The following ZNF385C variants were observed in gnomAD, a reference collection of about 807,000 sequenced individuals.
ZNF385C encodes the protein zinc finger protein 385C, also known as CTD-2132N18.2.
Under a neutral mutation model 35.4 loss-of-function variants are expected in ZNF385C, and 28 were observed. That is an observed-to-expected ratio of 0.79 (90% CI 0.59 to 1.08). The LOEUF (loss-of-function observed/expected upper bound fraction) is 1.08, where lower values mean the gene tolerates loss of function less well. Among genes scored for constraint, ZNF385C ranks in the 50% least tolerant of loss-of-function variants. The pLI is 0.00. For synonymous variants in ZNF385C, 248 were observed against 248.2 expected (o/e 1.00, Z 0.01); for missense variants, 605 against 595.6 (o/e 1.02, Z -0.16).
At chr17:42,054,674 C>T (rs1018425109) in intron 2 of ZNF385C, among the ~76,000 whole-genome samples, 4 of 151,878 alleles carry the variant, frequency 2.6e-5, no homozygotes, top group Non-Finnish European at 4.4e-5. Context: ...CTCTGCCTCC[C>T]GGGTTCAAGC....
intron 2 of ZNF385C, among the ~76,000 whole-genome samples, chr17:42,051,366 T>A (rs189197158): frequency 1.3e-5 from 2 of 152,136 alleles, no homozygotes; most frequent in East Asian, 3.9e-4. Context: ...CTCATCCCGG[T>A]CTGCGTTACT....
At chr17:42,052,353 C>T (rs1315160437) in intron 2 of ZNF385C, among the ~76,000 whole-genome samples, 5 of 152,120 alleles carry the variant, frequency 3.3e-5, no homozygotes, top group African/African-American at 7.2e-5. Context: ...CACACACACA[C>T]GAGCACAGAG....
chr17:42,043,468 G>A (rs2053077226), intron 2 of ZNF385C: 2 of 1,138,558 alleles, frequency 1.8e-6, no homozygotes. Context: ...TTGACAAGGA[G>A]AGTTGATGGG....
chr17:42,043,155 G>T, intron 2 of ZNF385C: 2 of 1,232,228 alleles, frequency 1.6e-6, no homozygotes, highest in Non-Finnish European at 2.0e-6. Context: ...GCAGCAGGGC[G>T]TGGCGCTGGA....
chr17:42,051,507 C>G (rs2053281176), intron 2 of ZNF385C, among the ~76,000 whole-genome samples: 1 of 151,908 alleles, frequency 6.6e-6, no homozygotes, highest in Non-Finnish European at 1.5e-5. Flanking sequence ...TAGCTATGAG[C>G]CTGTTTCCTC....
intron 5 of ZNF385C, among the ~76,000 whole-genome samples, chr17:42,030,917 T>A (rs2052713135): frequency 6.6e-6 from 1 of 152,058 alleles, no homozygotes; most frequent in Non-Finnish European, 1.5e-5. Context: ...AAGAGAAGCA[T>A]GGGACACTTT....
At chr17:42,072,775 C>A (rs1374585527) in intron 1 of ZNF385C, among the ~76,000 whole-genome samples, 3 of 152,228 alleles carry the variant, frequency 2.0e-5, no homozygotes, top group African/African-American at 7.2e-5. Flanking sequence ...AGCGGTGGGG[C>A]TCCCCGGGTG....
chr17:42,032,092 G>A (rs925867676), intron 4 of ZNF385C, among the ~76,000 whole-genome samples: 1 of 151,968 alleles, frequency 6.6e-6, no homozygotes, highest in Non-Finnish European at 1.5e-5. Flanking sequence ...ATGGAGTCTC[G>A]CTCTGTCGCC....
intron 1 of ZNF385C, among the ~76,000 whole-genome samples, chr17:42,063,277 C>T (rs1555658180): frequency 6.6e-6 from 1 of 152,152 alleles, no homozygotes; most frequent in African/African-American, 2.4e-5. Flanking sequence ...GCCTGTAATC[C>T]CAGCACTTTG....
intron 2 of ZNF385C, among the ~76,000 whole-genome samples, chr17:42,046,031 T>C (rs2053153256): frequency 6.6e-6 from 1 of 152,312 alleles, no homozygotes; most frequent in African/African-American, 2.4e-5. Context: ...CCTCTTTCCT[T>C]ACTAATTCCC....
intron 5 of ZNF385C, among the ~76,000 whole-genome samples, chr17:42,030,214 G>C (rs565940164): frequency 5.9e-5 from 9 of 152,074 alleles, no homozygotes; most frequent in African/African-American, 2.2e-4. Context: ...TACCGGCCAG[G>C]CAGGGTGGCT....
Position 42,050,772 on chromosome 17 carries a change from G to A in ZNF385C, c.250+12035C>T, listed in dbSNP as rs1312830081. On this transcript the variant is annotated intron_variant, in intron 2 of 8. Coordinates refer to ENST00000692273, the MANE Select transcript of ZNF385C (RefSeq NM_001392013.1). The surrounding 1 kb of genome is among the most constrained non-coding windows in gnomAD (Gnocchi z 5.6). ...CGCCCAGCGCGCTCAGCCCGGCCCC[G>A]GCCCCACCCCCCAGCCCCTGCCGCC... Among the ~76,000 whole-genome samples, 24 of 150,232 alleles carry A rather than the reference G, an allele frequency of 1.6e-4. No homozygotes were observed. The highest frequency in any genetic ancestry group is 3.0e-4 in the Non-Finnish European group (20 of 67,556).
rs782808485 is a variant in ZNF385C, at chr17:42,026,960, CAG to C, written c.1447_1448del (p.Leu483ValfsTer33). ...GGACAGCTCCTGCTGGGGTGCGAAA[CAG>C]AGCTGGGCCCAGGATGGGAGCCGGG... ...LFPAPILGPA[L>X]FRTPAGAVRP... On this transcript the variant is annotated frameshift_variant, in exon 9 of 9. Coordinates refer to ENST00000692273, the MANE Select transcript of ZNF385C (RefSeq NM_001392013.1). LOFTEE classifies it high-confidence loss of function. The C allele has an allele frequency of 1.7e-5, 27 of 1,611,480 alleles. No individual in the cohort carries two copies. Among genetic ancestry groups the C allele is most frequent in the Non-Finnish European group, 2.1e-5 (25 of 1,178,736 alleles).
chr17:42,029,101 C>A (rs1335880052), intron 5 of ZNF385C, 28 bp from the exon 6 acceptor site: 13 of 1,536,362 alleles, frequency 8.5e-6, no homozygotes, highest in South Asian at 1.2e-5. Context: ...GAGTGTGAGA[C>A]CCAAGATGAC....
chr17:42,077,553 A>G (rs2053698037), intron 1 of ZNF385C, among the ~76,000 whole-genome samples: 1 of 152,172 alleles, frequency 6.6e-6, no homozygotes, highest in Non-Finnish European at 1.5e-5. Context: ...AATAAGTAAC[A>G]TTTCTACTAC....
At chr17:42,027,582 G>A in intron 8 of ZNF385C, 36 bp downstream of exon 8, 1 of 386,506 alleles carries the variant, frequency 2.6e-6, no homozygotes, top group Non-Finnish European at 4.2e-6. Flanking sequence ...CTCCCCTCCT[G>A]ACCCAGTCCC....
At chr17:42,077,914 G>A (rs1253844395) in intron 1 of ZNF385C, among the ~76,000 whole-genome samples, 1 of 152,018 alleles carries the variant, frequency 6.6e-6, no homozygotes, top group Non-Finnish European at 1.5e-5. Flanking sequence ...GAGCCACCAT[G>A]TGCCCAGGGC....
chr17:42,053,653 G>A (rs746979842), intron 2 of ZNF385C, among the ~76,000 whole-genome samples: 1 of 152,166 alleles, frequency 6.6e-6, no homozygotes, highest in African/African-American at 2.4e-5. Context: ...CTCGGCCAGA[G>A]TGGGGGCTTC....
intron 1 of ZNF385C, among the ~76,000 whole-genome samples, chr17:42,086,576 C>T (rs1431207489): frequency 7.9e-5 from 12 of 151,286 alleles, no homozygotes; most frequent in African/African-American, 2.9e-4. Flanking sequence ...GTGGCGTGCG[C>T]CTGTCATTCC....
Sources: gnomAD v4.1 joint callset for allele counts (sites outside exome capture counted in the v4.1 genomes callset) on GRCh38, gnomAD v4.1.1 for gene constraint, Gnocchi (gnomAD v3.1) non-coding constraint, MANE v1.5 for transcripts, NCBI Gene and HGNC (gene_info 2026-07-23, HGNC 2026-07-21) for gene names.